Variants in ABCC4 observed in about 807,000 individuals in gnomAD.
ABCC4 encodes ATP binding cassette subfamily C member 4 (PEL blood group).
Under a neutral mutation model 168.5 loss-of-function variants are expected in ABCC4, and 102 were observed. That is an observed-to-expected ratio of 0.61 (90% CI 0.52 to 0.71). ABCC4 has a LOEUF of 0.71. Among genes scored for constraint, ABCC4 ranks in the 30% least tolerant of loss-of-function variants. The pLI, the probability that ABCC4 is intolerant of heterozygous loss-of-function variation, is 0.00. For missense variants in ABCC4, 1,402 were observed against 1,605.8 expected, an observed-to-expected ratio of 0.87 and a Z score of 2.17; for synonymous variants, 617 against 590.7, an observed-to-expected ratio of 1.04 and a Z score of -0.65.
chr13:95,186,938 C>G, intron 10 of ABCC4, 46 bp from the exon 11 acceptor site: 1 of 1,528,172 alleles, frequency 6.5e-7, no homozygotes, highest in Non-Finnish European at 8.8e-7. Context: ...ACACTCGAGA[C>G]AAGAATAAGC....
At chr13:95,098,278 C>A (rs2034680058) in intron 20 of ABCC4, among the ~76,000 whole-genome samples, 1 of 150,700 alleles carries the variant, frequency 6.6e-6, no homozygotes, top group Non-Finnish European at 1.5e-5. Context: ...CAAATGAAAA[C>A]CAACAGATTA....
intron 1 of ABCC4, among the ~76,000 whole-genome samples, chr13:95,280,572 T>A (rs1594434164): frequency 7.6e-6 from 1 of 131,034 alleles, no homozygotes; most frequent in Non-Finnish European, 1.6e-5. Context: ...TGCCTTCTAT[T>A]AAAAAAAAAA....
chr13:95,207,674 TG>T, intron 7 of ABCC4, 125 bp downstream of exon 7: 1 of 961,466 alleles, frequency 1.0e-6, no homozygotes. Flanking sequence ...CTGCCAAGCG[TG>T]GGGACTGGGA....
chr13:95,175,301 T>C (rs576713997), intron 13 of ABCC4, among the ~76,000 whole-genome samples: 4 of 152,306 alleles, frequency 2.6e-5, no homozygotes, highest in South Asian at 2.1e-4. Flanking sequence ...AGAACCTTTT[T>C]TAAAATTTTT....
chr13:95,296,249 C>T (rs1450867842), intron 1 of ABCC4, among the ~76,000 whole-genome samples: 1 of 151,500 alleles, frequency 6.6e-6, no homozygotes, highest in Non-Finnish European at 1.5e-5. Flanking sequence ...TTGGGAAAAC[C>T]AAGGCAGGAG....
intron 11 of ABCC4, among the ~76,000 whole-genome samples, chr13:95,181,375 A>C (rs1358971205): frequency 6.6e-6 from 1 of 152,218 alleles, no homozygotes; most frequent in African/African-American, 2.4e-5. Flanking sequence ...CCTTGCTTCC[A>C]TTTGGAATGG....
chr13:95,184,705 A>C (rs2038003311), intron 11 of ABCC4, among the ~76,000 whole-genome samples: 1 of 152,216 alleles, frequency 6.6e-6, no homozygotes, highest in Non-Finnish European at 1.5e-5. Context: ...CTCACTTCTA[A>C]CCTGTCATAG....
chr13:95,273,253 C>T (rs59514866), intron 1 of ABCC4, among the ~76,000 whole-genome samples: 3 of 152,164 alleles, frequency 2.0e-5, no homozygotes, highest in Admixed American at 6.5e-5. Context: ...CTTTTCCTGA[C>T]GTTTCTTTCA....
chr13:95,088,206 T>C (rs1032276019), intron 20 of ABCC4, among the ~76,000 whole-genome samples: 1 of 152,212 alleles, frequency 6.6e-6, no homozygotes, highest in African/African-American at 2.4e-5. Flanking sequence ...TTGTACATTT[T>C]TTCCATGTTA....
intron 21 of ABCC4, among the ~76,000 whole-genome samples, chr13:95,082,273 T>C (rs931220572): frequency 3.3e-5 from 5 of 152,212 alleles, no homozygotes; most frequent in Middle Eastern, 3.2e-3. Context: ...CTTATGAGTT[T>C]GTGTTTAACA....
Position 95,166,878 on chromosome 13 carries a change from C to T in ABCC4, c.1825-511G>A, listed in dbSNP as rs181567250. 5.3e-5 allele frequency among the ~76,000 whole-genome samples: 8 copies of T among 152,152 alleles called. No individual in the cohort carries two copies. In the East Asian group the frequency reaches 7.7e-4, roughly 15 times the overall value. Reference sequence around the variant, plus strand: ...ATAGACCCCATGAACTGCACCTTCACGGTCTTTACTCTAAAATTGCCCCAC... The same window carrying T: ...ATAGACCCCATGAACTGCACCTTCATGGTCTTTACTCTAAAATTGCCCCAC... On this transcript the variant is annotated intron_variant, in intron 14 of 30. Coordinates refer to ENST00000645237, the MANE Select transcript of ABCC4 (RefSeq NM_005845.5).
At chr13:95,078,020 T>C (rs2033967641) in intron 21 of ABCC4, among the ~76,000 whole-genome samples, 1 of 152,146 alleles carries the variant, frequency 6.6e-6, no homozygotes, top group South Asian at 2.1e-4. Context: ...TTACTGACTG[T>C]CCACCCATCC....
chr13:95,046,148 C>G (rs906582967), intron 27 of ABCC4, among the ~76,000 whole-genome samples: 2 of 152,176 alleles, frequency 1.3e-5, no homozygotes, highest in East Asian at 3.8e-4. Context: ...CAGACCTATA[C>G]CCCATGTGAT....
rs2037755813 is a variant in ABCC4, at chr13:95,177,769, G to T, written c.1665C>A (p.Ile555=). ...CACTGAGAGGATCGTCCAGGAGATAGATGTCAGCATCTTGATACACTGCTC... is the reference window on the plus strand; with the variant it reads ...CACTGAGAGGATCGTCCAGGAGATATATGTCAGCATCTTGATACACTGCTC... ...LARAVYQDAD[I]YLLDDPLSAV... Residue 555 remains isoleucine, a synonymous_variant, in exon 13 of 31, where the codon ATC becomes ATA. Transcript: ENST00000645237. 6.2e-7 allele frequency: 1 copy of T among 1,611,500 alleles called. No individual in the cohort carries two copies. The highest frequency in any genetic ancestry group is 1.1e-5 in the South Asian group (1 of 90,996).
At chr13:95,153,612 C>T (rs1308157451) in intron 19 of ABCC4, among the ~76,000 whole-genome samples, 1 of 152,174 alleles carries the variant, frequency 6.6e-6, no homozygotes, top group Non-Finnish European at 1.5e-5. Flanking sequence ...TTGAACAAAG[C>T]ACATTCTTCC....
chr13:95,025,659 G>C (rs1339186928), intron 30 of ABCC4, among the ~76,000 whole-genome samples: 1 of 151,280 alleles, frequency 6.6e-6, no homozygotes, highest in East Asian at 2.0e-4. Flanking sequence ...TGAGGAGTAG[G>C]AATAATAAAA....
chr13:95,211,072 C>T (rs1382115127), intron 4 of ABCC4, among the ~76,000 whole-genome samples: 1 of 152,134 alleles, frequency 6.6e-6, no homozygotes, highest in Non-Finnish European at 1.5e-5. Flanking sequence ...AAGAGCCAAC[C>T]AAAGTAATTT....
intron 1 of ABCC4, among the ~76,000 whole-genome samples, chr13:95,281,895 T>G (rs1304581520): frequency 5.9e-5 from 9 of 151,902 alleles, no homozygotes; most frequent in African/African-American, 4.8e-5. Context: ...TCACCTGAGG[T>G]TAGGAGTTCG....
rs201893135 is a variant in ABCC4 at position 95,170,607 on chromosome 13, A to G, written c.1749T>C (p.His583=). 7.8e-5 allele frequency: 126 copies of G among 1,610,226 alleles called. No homozygotes were observed. The highest frequency in any genetic ancestry group is 1.0e-4 in the Non-Finnish European group (123 of 1,178,006). The change falls in exon 14 of 31, where the codon CAT becomes CAC. Residue 583 remains histidine, a synonymous_variant. Coordinates refer to ENST00000645237, the MANE Select transcript of ABCC4 (RefSeq NM_005845.5). The part of the protein sequence containing the change: ...LFELCICQIL[H]EKITILVTHQ... ...GAGTCACTAAAATTGTGATCTTCTC[A>G]TGCAAAATTTGACAAATACACCTAT...
Sources: allele counts gnomAD v4.1 joint callset (sites outside exome capture counted in the v4.1 genomes callset), GRCh38; gene constraint gnomAD v4.1.1; transcripts MANE v1.5; gene names NCBI Gene and HGNC (gene_info 2026-07-23, HGNC 2026-07-21).